Variants in LIPC observed in about 807,000 individuals in gnomAD.
LIPC encodes hepatic triacylglycerol lipase.
In LIPC, 44 loss-of-function variants were observed where a neutral mutation model predicts 50.7. The ratio of observed to expected loss-of-function variants is 0.87; its 90% CI spans 0.68 to 1.11. The LOEUF is 1.11. LIPC is among the 50% of genes most tolerant of loss of function. The probability of loss-of-function intolerance (pLI) is 0.00; values close to 1 mark genes in which losing one functional copy is unlikely to be tolerated. For missense variants in LIPC, 697 were observed against 648.2 expected (o/e 1.08, Z -0.82); for synonymous variants, 271 against 256.4 (o/e 1.06, Z -0.54).
At chr15:58,528,597 C>T (rs75831185) in intron 1 of LIPC, among the ~76,000 whole-genome samples, 2,038 of 152,202 alleles carry the variant, frequency 0.013, 41 homozygotes, top group African/African-American at 0.047. Context: ...CAGTCTCGAC[C>T]TCGCTCAGGT....
intron 1 of LIPC, among the ~76,000 whole-genome samples, chr15:58,446,617 C>T (rs1276224177): frequency 4.6e-5 from 7 of 152,096 alleles, no homozygotes; most frequent in East Asian, 1.9e-4. Flanking sequence ...TGCTGCCCAC[C>T]GTCCCATGGC....
intron 1 of LIPC, among the ~76,000 whole-genome samples, chr15:58,477,330 C>G (rs1446226382): frequency 6.6e-6 from 1 of 152,170 alleles, no homozygotes; most frequent in East Asian, 1.9e-4. Flanking sequence ...AAGAGGAAGC[C>G]GAGCTGAGAC....
intron 4 of LIPC, 44 bp downstream of exon 4, chr15:58,542,695 G>A (rs750119964): frequency 4.5e-5 from 59 of 1,317,132 alleles, no homozygotes; most frequent in African/African-American, 1.4e-5. Context: ...CACTCCATAG[G>A]GGCATCCAAC....
At chr15:58,482,396 T>C (rs1053856644) in intron 1 of LIPC, among the ~76,000 whole-genome samples, 28 of 148,566 alleles carry the variant, frequency 1.9e-4, no homozygotes, top group African/African-American at 6.5e-4. Context: ...TCACACAGGG[T>C]TGTCTACGTG....
intron 1 of LIPC, among the ~76,000 whole-genome samples, chr15:58,477,953 C>A (rs1278160058): frequency 1.3e-5 from 2 of 152,016 alleles, no homozygotes; most frequent in African/African-American, 4.8e-5. Context: ...CCAGTCTCAT[C>A]TCACCTCCCT....
chr15:58,540,039 G>A (rs1421513137), intron 2 of LIPC, among the ~76,000 whole-genome samples: 16 of 152,188 alleles, frequency 1.1e-4, no homozygotes, highest in African/African-American at 2.7e-4. Context: ...CTGCTAGGCC[G>A]TAAGCTTCTC....
rs1018452330 is a variant in LIPC, at chr15:58,526,581, C to T, written c.89-11752C>T. Among the ~76,000 whole-genome samples the T allele has an allele frequency of 6.6e-5, 10 of 152,290 alleles. No homozygotes were observed. In the East Asian group the frequency reaches 1.2e-3, roughly 18 times the overall value. On this transcript the variant is annotated intron_variant, in intron 1 of 8. Transcript: ENST00000299022. ...CCTCCTTTTCTTGGCACAAAGGCAC[C>T]GCGCCAAGCTACACAGCTAAGGCAG...
In LIPC at chr15:58,547,632, T is replaced by TAA. The variant is rs60995762; in HGVS notation, c.809-683_809-682dup. Among the ~76,000 whole-genome samples the TAA allele has an allele frequency of 4.8e-3, 677 of 141,092 alleles. 1 individual carries two copies. Among genetic ancestry groups the TAA allele is most frequent in the African/African-American group, 0.016 (603 of 37,862 alleles). The allele number at this position is 141,092 out of a possible 152,430, so 92.6% of individuals were successfully genotyped here. A position where few individuals can be genotyped will look rare whatever the true frequency, so the allele number is the denominator to read the frequency against. On this transcript the variant is annotated intron_variant, in intron 5 of 8. Coordinates refer to ENST00000299022, the MANE Select transcript of LIPC (RefSeq NM_000236.3). ...CAGATTAGGTTAAAATTTGGAGAGT[T>TAA]AAAAAAAAAAAAAAAAGGTCAAATC...
chr15:58,507,880 G>A (rs1439265256), intron 1 of LIPC, among the ~76,000 whole-genome samples: 1 of 152,174 alleles, frequency 6.6e-6, no homozygotes, highest in Non-Finnish European at 1.5e-5. Context: ...GCAATTTGAG[G>A]GATGGTAAAT....
At chr15:58,522,367 G>A (rs2140877480) in intron 1 of LIPC, 1 of 152,764 alleles carries the variant, frequency 6.5e-6, no homozygotes, top group Non-Finnish European at 1.5e-5. Flanking sequence ...GCTGCAAACA[G>A]AACACCAAGG....
At chr15:58,489,005 G>T (rs1441461278) in intron 1 of LIPC, among the ~76,000 whole-genome samples, 2 of 152,166 alleles carry the variant, frequency 1.3e-5, no homozygotes, top group African/African-American at 4.8e-5. Context: ...CCAAATGAGA[G>T]TGTGCATCTG....
intron 1 of LIPC, among the ~76,000 whole-genome samples, chr15:58,498,145 G>A (rs1382939349): frequency 6.6e-6 from 1 of 152,168 alleles, no homozygotes; most frequent in African/African-American, 2.4e-5. Context: ...GGGAAGATTG[G>A]TGTTTCTCTC....
At chr15:58,520,633 T>G (rs1892626480) in intron 1 of LIPC, among the ~76,000 whole-genome samples, 1 of 152,018 alleles carries the variant, frequency 6.6e-6, no homozygotes, top group Non-Finnish European at 1.5e-5. Flanking sequence ...AAAAAGGAAA[T>G]ACGGAGGGCG....
At chr15:58,548,950 C>T (rs1893646857) in intron 6 of LIPC, among the ~76,000 whole-genome samples, 1 of 152,236 alleles carries the variant, frequency 6.6e-6, no homozygotes, top group Non-Finnish European at 1.5e-5. Context: ...CCAGTTCTTT[C>T]ATCTCTGTTC....
intron 1 of LIPC, among the ~76,000 whole-genome samples, chr15:58,450,199 C>A (rs1425127014): frequency 6.6e-6 from 1 of 152,202 alleles, no homozygotes; most frequent in Non-Finnish European, 1.5e-5. Flanking sequence ...GGTGTGGAAA[C>A]TGAGTCAGGA....
intron 7 of LIPC, among the ~76,000 whole-genome samples, chr15:58,561,924 G>A (rs1839928): frequency 0.95 from 143,965 of 152,172 alleles, 68,338 homozygotes; most frequent in Middle Eastern, 0.99. Flanking sequence ...TGGCTGAGAG[G>A]AGGGGTCCAT....
intron 6 of LIPC, among the ~76,000 whole-genome samples, chr15:58,558,016 G>C (rs1244825242): frequency 6.6e-6 from 1 of 152,074 alleles, no homozygotes; most frequent in Non-Finnish European, 1.5e-5. Context: ...TCTCTCCAGT[G>C]GTGCCACCCA....
chr15:58,453,440 G>A (rs1264168188), intron 1 of LIPC, among the ~76,000 whole-genome samples: 2 of 152,232 alleles, frequency 1.3e-5, no homozygotes, highest in East Asian at 3.9e-4. Flanking sequence ...ACTAACAATG[G>A]GAAGAAGAGA....
chr15:58,459,272 G>A (rs575784968), intron 1 of LIPC, among the ~76,000 whole-genome samples: 3 of 152,094 alleles, frequency 2.0e-5, no homozygotes, highest in Admixed American at 2.0e-4. Flanking sequence ...AAGTGACATA[G>A]ACAGTGTCTT....
Sources: allele counts gnomAD v4.1 joint callset (sites outside exome capture counted in the v4.1 genomes callset), GRCh38; gene constraint gnomAD v4.1.1; transcripts MANE v1.5; gene names NCBI Gene and HGNC (gene_info 2026-07-23, HGNC 2026-07-21).